Variants in PDZRN4 observed in about 807,000 individuals in gnomAD.
PDZRN4 encodes the protein PDZ domain containing ring finger 4, also known as PDZ domain-containing RING finger protein 4.
In PDZRN4, 70 loss-of-function variants were observed where a neutral mutation model predicts 99.0. The observed-to-expected ratio is 0.71, with a 90% CI of 0.58 to 0.86. The LOEUF is 0.86. Among genes scored for constraint, PDZRN4 ranks in the 40% least tolerant of loss-of-function variants. PDZRN4 has a pLI of 0.00. For synonymous variants in PDZRN4, 551 were observed against 501.6 expected (o/e 1.10, Z -1.32); for missense variants, 1,474 against 1,331.2 (o/e 1.11, Z -1.67).
intron 3 of PDZRN4, among the ~76,000 whole-genome samples, chr12:41,324,155 A>G (rs1951695979): frequency 6.6e-6 from 1 of 152,112 alleles, no homozygotes; most frequent in African/African-American, 2.4e-5. Flanking sequence ...AACATATCTA[A>G]ATAAAAATGA....
At chr12:41,302,936 A>ACG (rs1491296585) in intron 3 of PDZRN4, among the ~76,000 whole-genome samples, 1 of 14,620 alleles carries the variant, frequency 6.8e-5, no homozygotes, top group Non-Finnish European at 2.4e-4. Context: ...TATATAAAAT[A>ACG]CACACACACA....
At chr12:41,441,598 C>T (rs1952681706) in intron 3 of PDZRN4, among the ~76,000 whole-genome samples, 1 of 152,106 alleles carries the variant, frequency 6.6e-6, no homozygotes, top group Non-Finnish European at 1.5e-5. Flanking sequence ...GATCCCTTCC[C>T]ATAGCTTTTA....
intron 3 of PDZRN4, among the ~76,000 whole-genome samples, chr12:41,228,240 G>A (rs976133007): frequency 7.9e-5 from 12 of 152,116 alleles, no homozygotes; most frequent in Non-Finnish European, 1.3e-4. Context: ...TTGAACAGTG[G>A]CAGCCATTCA....
intron 5 of PDZRN4, among the ~76,000 whole-genome samples, chr12:41,537,642 T>C (rs999033739): frequency 2.0e-5 from 3 of 152,108 alleles, no homozygotes; most frequent in South Asian, 2.1e-4. Context: ...AAGGATGTAA[T>C]GATGTGTTTA....
chr12:41,196,591 T>A (rs1216201612), intron 3 of PDZRN4, among the ~76,000 whole-genome samples: 2 of 152,128 alleles, frequency 1.3e-5, no homozygotes, highest in East Asian at 3.8e-4. Flanking sequence ...TGTGTGACTT[T>A]AATATCTAGT....
chr12:41,210,664 A>T (rs1046834565), intron 3 of PDZRN4, among the ~76,000 whole-genome samples: 1 of 152,010 alleles, frequency 6.6e-6, no homozygotes, highest in African/African-American at 2.4e-5. Context: ...ATTAAAACCC[A>T]CTATTTCTTT....
chr12:41,409,367 A>T (rs969819162), intron 3 of PDZRN4: 1 of 152,184 alleles, frequency 6.6e-6, no homozygotes, highest in African/African-American at 2.4e-5. Context: ...AAAACAAGGT[A>T]TCTATCCTCA....
intron 3 of PDZRN4, among the ~76,000 whole-genome samples, chr12:41,221,887 A>G (rs1044273074): frequency 1.3e-5 from 2 of 152,198 alleles, no homozygotes; most frequent in Admixed American, 1.3e-4. Context: ...TACAGGGGAT[A>G]CTCATCGAGA....
intron 3 of PDZRN4, among the ~76,000 whole-genome samples, chr12:41,446,988 A>G (rs978367087): frequency 2.6e-5 from 4 of 151,944 alleles, no homozygotes; most frequent in African/African-American, 7.2e-5. Flanking sequence ...GGTAATGGGA[A>G]CAGCTGGACT....
At chr12:41,350,322 C>T (rs1918226) in intron 3 of PDZRN4, among the ~76,000 whole-genome samples, 71,892 of 151,826 alleles carry the variant, frequency 0.47, 17,825 homozygotes, top group Middle Eastern at 0.65. Flanking sequence ...TGTTTTTCAT[C>T]AACCTGTAAT....
intron 3 of PDZRN4, among the ~76,000 whole-genome samples, chr12:41,257,606 C>A (rs1951212026): frequency 6.6e-6 from 1 of 152,106 alleles, no homozygotes; most frequent in African/African-American, 2.4e-5. Context: ...AGTGGAAGTG[C>A]AGAAAGCCTT....
chr12:41,441,096 A>G (rs1419307758), intron 3 of PDZRN4, among the ~76,000 whole-genome samples: 4 of 152,082 alleles, frequency 2.6e-5, no homozygotes, highest in Non-Finnish European at 5.9e-5. Context: ...GTGATTATTG[A>G]TGGGATGTTC....
chr12:41,563,745 T>C, intron 8 of PDZRN4, 96 bp downstream of exon 8: 1 of 816,514 alleles, frequency 1.2e-6, no homozygotes, highest in Non-Finnish European at 2.0e-6. Context: ...TTATCTGCTA[T>C]TCTCTATCAA....
chr12:41,485,000 C>T (rs1252609711), intron 3 of PDZRN4, among the ~76,000 whole-genome samples: 1 of 152,150 alleles, frequency 6.6e-6, no homozygotes, highest in African/African-American at 2.4e-5. Flanking sequence ...TCCCATGCCT[C>T]ACAATCTGCC....
chr12:41,203,347 G>C lies in PDZRN4; in HGVS notation c.843+9159G>C, dbSNP rs188770991. On this transcript the variant is annotated intron_variant, in intron 3 of 9. Transcript: ENST00000402685. ...GAGCTTTAAGCTTTAAGGGGAAATG[G>C]TACTTGAAAGGACTCTTACAGGAAA... 2.8e-3 allele frequency among the ~76,000 whole-genome samples: 424 copies of C among 152,038 alleles called. 1 individual carries two copies. The highest frequency in any genetic ancestry group is 0.014 in the Middle Eastern group (4 of 294).
chr12:41,368,261 C>T (rs1161404115), intron 3 of PDZRN4, among the ~76,000 whole-genome samples: 1 of 151,988 alleles, frequency 6.6e-6, no homozygotes, highest in Non-Finnish European at 1.5e-5. Context: ...CCTTGCTGGT[C>T]CAGATCTCTG....
At chr12:41,502,944 A>G in intron 3 of PDZRN4, among the ~76,000 whole-genome samples, 1 of 152,194 alleles carries the variant, frequency 6.6e-6, no homozygotes, top group East Asian at 1.9e-4. Flanking sequence ...CTAGAGGGTT[A>G]ACTGTAGATA....
chr12:41,296,408 A>C (rs1407309662), intron 3 of PDZRN4, among the ~76,000 whole-genome samples: 2 of 152,184 alleles, frequency 1.3e-5, no homozygotes, highest in East Asian at 3.8e-4. Context: ...TGGCTTGTTG[A>C]CTTTATGAAG....
At chr12:41,555,800 G>C (rs765151858) in intron 7 of PDZRN4, 40 bp downstream of exon 7, 5 of 1,450,228 alleles carry the variant, frequency 3.4e-6, no homozygotes, top group Middle Eastern at 3.5e-4. Context: ...CCCACGATCT[G>C]TCCAAAGTTA....
Sources: gnomAD v4.1 joint callset for allele counts (sites outside exome capture counted in the v4.1 genomes callset) on GRCh38, gnomAD v4.1.1 for gene constraint, MANE v1.5 for transcripts, NCBI Gene and HGNC (gene_info 2026-07-23, HGNC 2026-07-21) for gene names.